The following IRAK1 variants were observed in gnomAD, a reference collection of about 807,000 sequenced individuals.
The protein encoded by IRAK1 is interleukin 1 receptor associated kinase 1.
IRAK1 carries 9 observed loss-of-function variants against 49.8 expected under a neutral mutation model. The observed-to-expected ratio is 0.18, with a 90% CI of 0.11 to 0.32. The LOEUF (loss-of-function observed/expected upper bound fraction) is 0.32, where lower values mean the gene tolerates loss of function less well. IRAK1 is among the 10% of genes least tolerant of loss of function. The probability of loss-of-function intolerance (pLI) is 1.00; values close to 1 mark genes in which losing one functional copy is unlikely to be tolerated. For synonymous variants in IRAK1, 282 were observed against 270.8 expected (o/e 1.04, Z -0.41); for missense variants, 418 against 600.5 (o/e 0.70, Z 3.18).
chrX:154,014,364 G>T, intron 10 of IRAK1, 86 bp from the exon 11 acceptor site: 7 of 672,727 alleles, frequency 1.0e-5, no homozygotes, highest in Non-Finnish European at 1.0e-5. Context: ...AATCGTATGG[G>T]TTTTGATAAA....
intron 5 of IRAK1, 23 bp from the exon 6 acceptor site, chrX:154,018,378 G>C (rs2065754971): frequency 8.8e-7 from 1 of 1,136,717 alleles, no homozygotes; most frequent in Non-Finnish European, 1.2e-6. Flanking sequence ...GGGTGCGGTG[G>C]GGGAAGGGGC....
chrX:154,019,540 G>GC lies in IRAK1; in HGVS notation c.194dup (p.Thr66HisfsTer92). The GC allele has an allele frequency of 8.5e-7, 1 of 1,177,448 alleles. No individual in the cohort carries two copies. ...TCCAGGGCCACAGGACGCTGGCCGT[G>GC]CGCTGCCCGGAGCGCTCGCACAGCC... On this transcript the variant is annotated frameshift_variant, in exon 2 of 14. Transcript: ENST00000369980. LOFTEE classifies it high-confidence loss of function.
intron 10 of IRAK1, among the ~76,000 whole-genome samples, chrX:154,015,165 C>T (rs983203328): frequency 5.4e-5 from 6 of 112,019 alleles, no homozygotes; most frequent in Non-Finnish European, 1.1e-4. Flanking sequence ...GGACCTGGGG[C>T]GTTGGGGGGT....
intron 8 of IRAK1, 27 bp downstream of exon 8, chrX:154,016,922 C>T (rs376691548): frequency 3.0e-5 from 33 of 1,083,958 alleles, no homozygotes; most frequent in African/African-American, 7.3e-5. Context: ...GGCCCTGCCC[C>T]GGCAGTTCTC....
rs1424074344 is a variant in IRAK1 at position 154,016,839 on chromosome X, G to A, written c.1028+110C>T. 13 of 665,997 alleles carry A rather than the reference G, an allele frequency of 2.0e-5. No individual in the cohort carries two copies. In the African/African-American group the frequency reaches 2.1e-4, roughly 11 times the overall value. 54.9% of individuals were successfully genotyped at this position (665,997 alleles called of 1,213,427 possible). A position where few individuals can be genotyped will look rare whatever the true frequency, so the allele number is the denominator to read the frequency against. On this transcript the variant is annotated intron_variant, in intron 8 of 13. Coordinates refer to ENST00000369980, the MANE Select transcript of IRAK1 (RefSeq NM_001569.4). ...CCTTGGCCCGTTCCCACACCTGTGC[G>A]ATGCCGGGGTGTTGAGGTCCCAGGC...
chrX:154,013,523 C>A, intron 11 of IRAK1, 90 bp from the exon 12 acceptor site: 1 of 887,726 alleles, frequency 1.1e-6, no homozygotes, highest in Non-Finnish European at 1.5e-6. Flanking sequence ...CCAGGCCGTC[C>A]GTGACCTGCC....
chrX:154,018,822 T>A lies in IRAK1; in HGVS notation c.541-35A>T, dbSNP rs782147391. On this transcript the variant is annotated intron_variant, in intron 4 of 13. Transcript: ENST00000369980. ...GAGAGCCTGGATCAGGTGGGGTCCC[T>A]GTCTCTTCCCTTCTGCCCAAGGCTC... 8.0e-6 allele frequency: 6 copies of A among 751,221 alleles called. No homozygotes were observed. The Admixed American group carries it at 1.6e-4, about 20-fold the overall frequency. The allele number at this position is 751,221 out of a possible 1,213,427, so 61.9% of individuals were successfully genotyped here.
rs373887735 is a variant in IRAK1, at chrX:154,012,587, G to A, written c.2022C>T (p.Ala674=). 26 of 1,210,583 alleles carry A rather than the reference G, an allele frequency of 2.1e-5. No homozygotes were observed. The highest frequency in any genetic ancestry group is 2.7e-5 in the Non-Finnish European group (24 of 895,059). ...TGTCCAGGGCCCCATCCTCGTACAG[G>A]GCCAGCTTCTGGACCATCTTCTGTC... ...PARQKMVQKL[A]LYEDGALDSL... The change falls in exon 13 of 14, where the codon GCC becomes GCT. Residue 674 remains alanine, a synonymous_variant. Transcript: ENST00000369980.
intron 12 of IRAK1, among the ~76,000 whole-genome samples, 164 bp downstream of exon 12, chrX:154,012,879 C>A (rs2065710229): frequency 8.8e-6 from 1 of 113,083 alleles, no homozygotes; most frequent in Non-Finnish European, 1.9e-5. Context: ...CAAGCTCCAC[C>A]TGGGAAGGAT....
chrX:154,014,055 G>A lies in IRAK1; in HGVS notation c.1526C>T (p.Pro509Leu), dbSNP rs1235743219. 1.7e-6 allele frequency: 2 copies of A among 1,194,539 alleles called. No individual in the cohort carries two copies. The highest frequency in any genetic ancestry group is 1.1e-6 in the Non-Finnish European group (1 of 890,899). ...GCAGCTGGCTACCTGGGTCATAGGAGGCCTCCTTTTGGCCCGGCGGTGCAG... is the reference window on the plus strand; with the variant it reads ...GCAGCTGGCTACCTGGGTCATAGGAAGCCTCCTTTTGGCCCGGCGGTGCAG... ...CCLHRRAKRR[P>L]PMTQVYERLE... The change falls in exon 11 of 14, where the codon CCT becomes CTT. Residue 509 changes from proline to leucine, a missense_variant. Pro to Leu is a moderately conservative substitution (Grantham distance 98, BLOSUM62 -3). This residue lies in a region of IRAK1 where 377 missense variants were observed against 499.5 expected (regional missense o/e 0.75). Transcript: ENST00000369980.
chrX:154,018,115 C>T lies in IRAK1; in HGVS notation c.800G>A (p.Arg267His). The part of the protein sequence containing the change: ...LTEVEQLSRF[R>H]HPNIVDFAGY... The stretch of plus-strand genomic sequence containing the variant: ...AGCAAAGTCCACAATGTTTGGGTGA[C>T]GAAACCTGTTTGAAAAAGGGGAGCA... The change falls in exon 7 of 14, where the codon CGT becomes CAT. Residue 267 changes from arginine to histidine, a missense_variant. By Grantham distance (29) the Arg-to-His change is conservative. Transcript: ENST00000369980. 4.2e-6 allele frequency: 5 copies of T among 1,201,667 alleles called. No individual in the cohort carries two copies. Among genetic ancestry groups the T allele is most frequent in the South Asian group, 1.8e-5 (1 of 56,799 alleles).
chrX:154,017,971 G>T (rs782428930), intron 7 of IRAK1, 35 bp downstream of exon 7: 2 of 1,045,980 alleles, frequency 1.9e-6, no homozygotes, highest in Non-Finnish European at 1.3e-6. Flanking sequence ...GAGTGCTTTG[G>T]GTCCTGGGAA....
In IRAK1 at chrX:154,013,391, C is replaced by A; in HGVS notation, c.1582G>T (p.Val528Leu). The A allele has an allele frequency of 8.3e-7, 1 of 1,197,891 alleles. No homozygotes were observed. The change falls in exon 12 of 14, where the codon GTG (valine) becomes TTG (leucine). Residue 528 changes from valine to leucine, a missense_variant. This residue lies in a region of IRAK1 where 377 missense variants were observed against 499.5 expected (regional missense o/e 0.75). Coordinates refer to ENST00000369980, the MANE Select transcript of IRAK1 (RefSeq NM_001569.4). ...LEKLQAVVAG[V>L]PGHSEAASCI... is the part of the protein sequence containing the mutation. ...CTGGCGGCCTCCGAATGCCCGGGCA[C>A]CCCCGCCACCACTGCCTGCAGCTTC...
At chrX:154,014,371 T>TTA (rs2065724316) in intron 10 of IRAK1, 93 bp from the exon 11 acceptor site, 4 of 536,894 alleles carry the variant, frequency 7.5e-6, no homozygotes, top group South Asian at 4.1e-5. Context: ...TGGGTTTTGA[T>TTA]AAAAAAAAAA....
chrX:154,014,866 G>A (rs2065727800), intron 10 of IRAK1, among the ~76,000 whole-genome samples: 1 of 111,905 alleles, frequency 8.9e-6, no homozygotes, highest in Non-Finnish European at 1.9e-5. Context: ...TCCTGGTGGG[G>A]GAGAGCCCCA....
chrX:154,019,364 C>T (rs1197726138), intron 2 of IRAK1, 36 bp from the exon 3 acceptor site: 1 of 1,137,987 alleles, frequency 8.8e-7, no homozygotes, highest in Non-Finnish European at 1.2e-6. Flanking sequence ...GGTTGAGGCC[C>T]GGGTGGGGGA....
chrX:154,018,504 AAGG>A, intron 5 of IRAK1, 92 bp downstream of exon 5: 1 of 912,603 alleles, frequency 1.1e-6, no homozygotes, highest in Non-Finnish European at 1.6e-6. Flanking sequence ...ATGAGGGCTG[AAGG>A]AGTTGTGTGG....
chrX:154,018,727 G>C lies in IRAK1; in HGVS notation c.601C>G (p.Pro201Ala), dbSNP rs2065758219. Residue 201 changes from proline (P) to alanine (A), a missense_variant, in exon 5 of 14, where the codon CCC becomes GCC. Around this residue, in one of 3 missense-constraint regions of IRAK1, gnomAD observed 377 missense variants for 499.5 expected, o/e 0.75. Transcript: ENST00000369980. ...GTGCCCCGGGAAATCTCACAGAGGG[G>C]CCAGCAAAACGGAAAGGGGCGGGCT... is the stretch of plus-strand genomic sequence containing the variant. Reference protein sequence around the residue: ...QGARPFPFCWPLCEISRGTHN... With the variant: ...QGARPFPFCWALCEISRGTHN... 9.2e-7 allele frequency: 1 copy of C among 1,086,135 alleles called. No homozygotes were observed. The highest frequency in any genetic ancestry group is 1.3e-6 in the Non-Finnish European group (1 of 783,002). The allele number at this position is 1,086,135 out of a possible 1,213,427, so 89.5% of individuals were successfully genotyped here.
At chrX:154,017,658 T>C (rs1470404359) in intron 7 of IRAK1, among the ~76,000 whole-genome samples, 6 of 109,427 alleles carry the variant, frequency 5.5e-5, no homozygotes, top group Non-Finnish European at 9.5e-5. Context: ...TAGGCAGGTG[T>C]GGTGGTGCAT....
Sources: gnomAD v4.1 joint callset for allele counts (sites outside exome capture counted in the v4.1 genomes callset) on GRCh38, gnomAD v4.1.1 for gene constraint, gnomAD v4.1.1 regional missense constraint, MANE v1.5 for transcripts, NCBI Gene and HGNC (gene_info 2026-07-23, HGNC 2026-07-21) for gene names.